Variants in SCRIB observed in about 807,000 individuals in gnomAD.
SCRIB encodes the protein scribble planar cell polarity protein.
A neutral mutation model predicts 170.0 loss-of-function variants in SCRIB; 72 were observed. That is an observed-to-expected ratio of 0.42 (90% CI 0.35 to 0.52). The LOEUF (loss-of-function observed/expected upper bound fraction) is 0.52, where lower values mean the gene tolerates loss of function less well. Among genes scored for constraint, SCRIB ranks in the 20% least tolerant of loss-of-function variants. The pLI is 0.02. For synonymous variants in SCRIB, 1,298 were observed against 1,044.3 expected (o/e 1.24, Z -4.68); for missense variants, 2,475 against 2,338.5 (o/e 1.06, Z -1.20).
In SCRIB at chr8:143,815,322, C is replaced by T. The variant is rs764195066; in HGVS notation, c.51G>A (p.Val17=). The change falls in exon 1 of 37, where the codon GTG becomes GTA. Residue 17 remains valine (V), a synonymous_variant. Coordinates refer to ENST00000356994, the MANE Select transcript of SCRIB (RefSeq NM_182706.5). ...LWRCNRHVES[V]DKRHCSLQAV... is the part of the protein sequence containing the mutation. ...CCTGCAGCGAACAGTGCCGCTTGTC[C>T]ACCGACTCCACGTGCCGGTTGCAGC... 8 of 1,573,950 alleles carry T rather than the reference C, an allele frequency of 5.1e-6. No individual in the cohort carries two copies. The highest frequency in any genetic ancestry group is 6.0e-6 in the Non-Finnish European group (7 of 1,162,274).
chr8:143,797,642 A>C (rs1224002553), intron 24 of SCRIB, among the ~76,000 whole-genome samples: 6 of 152,234 alleles, frequency 3.9e-5, no homozygotes, highest in Non-Finnish European at 8.8e-5. Flanking sequence ...TGGTAGCTCC[A>C]TGATAATCCC....
chr8:143,792,748 C>T lies in SCRIB; in HGVS notation c.4137G>A (p.Leu1379=). ...TCTTCCGCAGGTCGTCAGCACCCAC[C>T]AGGGACACGCGCTTAGGGGGGCCCT... ...QAEGPPKRVS[L]VGADDLRKMQ... is the part of the protein sequence containing the mutation. Residue 1379 remains leucine, a synonymous_variant, in exon 30 of 37, where the codon CTG becomes CTA. Coordinates refer to ENST00000356994, the MANE Select transcript of SCRIB (RefSeq NM_182706.5). 6.3e-7 allele frequency: 1 copy of T among 1,592,318 alleles called. No homozygotes were observed. Among genetic ancestry groups the T allele is most frequent in the Non-Finnish European group, 8.5e-7 (1 of 1,173,252 alleles).
In SCRIB at chr8:143,815,481, G is replaced by T. The variant is rs1450833257; in HGVS notation, c.-109C>A. 1 of 1,016,356 alleles carries T rather than the reference G, an allele frequency of 9.8e-7. No individual in the cohort carries two copies. Among genetic ancestry groups the T allele is most frequent in the Admixed American group, 5.9e-5 (1 of 17,024 alleles). The allele number at this position is 1,016,356 out of a possible 1,614,324, so 63.0% of individuals were successfully genotyped here. A position where few individuals can be genotyped will look rare whatever the true frequency, so the allele number is the denominator to read the frequency against. On this transcript the variant is annotated 5_prime_UTR_variant, in exon 1 of 37. Coordinates refer to ENST00000356994, the MANE Select transcript of SCRIB (RefSeq NM_182706.5). ...GCGCATGGGGAGGGGGCGCAGGCAGGGGGCGGGCCGCCCGAGACTGGACGG... is the reference window on the plus strand; with the variant it reads ...GCGCATGGGGAGGGGGCGCAGGCAGTGGGCGGGCCGCCCGAGACTGGACGG...
chr8:143,793,417 A>C, intron 28 of SCRIB: 1 of 203,376 alleles, frequency 4.9e-6, no homozygotes, highest in Non-Finnish European at 1.0e-5. Flanking sequence ...GGGGGTAGAG[A>C]GGGGGGTGGG....
At chr8:143,797,150 G>A (rs1814978996) in intron 24 of SCRIB, among the ~76,000 whole-genome samples, 1 of 152,178 alleles carries the variant, frequency 6.6e-6, no homozygotes, top group South Asian at 2.1e-4. Flanking sequence ...GGAGGCAGAA[G>A]GTGAGGGGCT....
Position 143,792,111 on chromosome 8 carries a change from C to T in SCRIB, c.4537G>A (p.Ala1513Thr). The T allele has an allele frequency of 1.3e-6, 2 of 1,580,938 alleles. No homozygotes were observed. Among genetic ancestry groups the T allele is most frequent in the East Asian group, 2.2e-5 (1 of 44,636 alleles). ...AARMKSLEQDALRAQMVLSRS... is the reference protein window; with the variant it reads ...AARMKSLEQDTLRAQMVLSRS... ...CTGAGGACCATCTGTGCTCGGAGAG[C>T]GTCCTGTTCCAATGACTTCATCCTG... The change falls in exon 33 of 37, where the codon GCT (alanine) becomes ACT (threonine). Residue 1513 changes from alanine to threonine, a missense_variant. Physicochemically the swap from Ala to Thr is moderately conservative, Grantham distance 58. Coordinates refer to ENST00000356994, the MANE Select transcript of SCRIB (RefSeq NM_182706.5).
chr8:143,812,932 G>A lies in SCRIB; in HGVS notation c.672C>T (p.Cys224=), dbSNP rs1815812180. ...CCAGCCGGTTTTCCGACACGTCCAG[G>A]CACACCAGGCGCCGCAGGTTCCCGA... ...PELGNLRRLV[C]LDVSENRLEE... Residue 224 remains cysteine (C), a synonymous_variant, in exon 8 of 37, where the codon TGC becomes TGT. Coordinates refer to ENST00000356994, the MANE Select transcript of SCRIB (RefSeq NM_182706.5). The A allele has an allele frequency of 1.2e-6, 2 of 1,612,652 alleles. No homozygotes were observed. Among genetic ancestry groups the A allele is most frequent in the Admixed American group, 3.3e-5 (2 of 59,980 alleles).
At chr8:143,808,088 C>T (rs1422465579) in intron 15 of SCRIB, among the ~76,000 whole-genome samples, 1 of 152,186 alleles carries the variant, frequency 6.6e-6, no homozygotes, top group Admixed American at 6.5e-5. Context: ...ATCAGGGCCT[C>T]GGGCCTGCAG....
chr8:143,791,435 C>T lies in SCRIB; in HGVS notation c.4776G>A (p.Pro1592=), dbSNP rs561238876. Residue 1592 remains proline, a synonymous_variant, in exon 36 of 37, where the codon CCG becomes CCA. Transcript: ENST00000356994. ...GGGACCTCAACTCCTCAGCAAAGTC[C>T]GGTGACTGTGATGGGGAGAGTGTTG... The part of the protein sequence containing the change: ...SSRPVYDIQS[P]DFAEELRSLE... 16 of 1,610,836 alleles carry T rather than the reference C, an allele frequency of 9.9e-6. No individual in the cohort carries two copies. The highest frequency in any genetic ancestry group is 2.7e-5 in the African/African-American group (2 of 74,990).
chr8:143,794,534 C>T (rs948043205), intron 27 of SCRIB, among the ~76,000 whole-genome samples: 1 of 152,144 alleles, frequency 6.6e-6, no homozygotes, highest in African/African-American at 2.4e-5. Flanking sequence ...AGGAGCCACC[C>T]CTCGGCACTC....
At chr8:143,803,108 G>A (rs1288070213) in intron 24 of SCRIB, among the ~76,000 whole-genome samples, 6 of 152,164 alleles carry the variant, frequency 3.9e-5, no homozygotes, top group African/African-American at 1.4e-4. Context: ...CACGTAGTGC[G>A]TCCCAAACAC....
intron 26 of SCRIB, 72 bp downstream of exon 26, chr8:143,795,204 AC>A: frequency 6.3e-7 from 1 of 1,596,604 alleles, no homozygotes; most frequent in South Asian, 1.1e-5. Flanking sequence ...GGGGGTTACT[AC>A]CCAGCACCCC....
rs567346901 is a variant in SCRIB, at chr8:143,802,627, G to A, written c.3603+756C>T. Among the ~76,000 whole-genome samples, 8 of 152,380 alleles carry A rather than the reference G, an allele frequency of 5.3e-5. No individual in the cohort carries two copies. In the South Asian group the frequency reaches 1.7e-3, roughly 32 times the overall value. On this transcript the variant is annotated intron_variant, in intron 24 of 36. Transcript: ENST00000356994. ...GGCCACTCCAGTGGGAAGCCAGCCT[G>A]CACACCCTGGCGCCAGTGAAGAACC... is the stretch of plus-strand genomic sequence containing the variant.
At position 143,811,285 on chromosome 8, in the gene SCRIB, G is replaced by A. The variant is rs757973584; in HGVS notation, c.967C>T (p.His323Tyr). The A allele has an allele frequency of 6.2e-7, 1 of 1,612,722 alleles. No homozygotes were observed. The highest frequency in any genetic ancestry group is 2.2e-5 in the East Asian group (1 of 44,868). The change falls in exon 10 of 37, where the codon CAC (histidine) becomes TAC (tyrosine). Residue 323 changes from histidine to tyrosine, a missense_variant. This residue lies in a region of SCRIB where 487 missense variants were observed against 558.1 expected (regional missense o/e 0.87). Coordinates refer to ENST00000356994, the MANE Select transcript of SCRIB (RefSeq NM_182706.5). ...ATCTCGGGCGGCAGCGCCTCGAGGT[G>A]GTTCCGGTCCACGTTGAGGTTGGTC... The part of the protein sequence containing the change: ...KLTNLNVDRN[H>Y]LEALPPEIGG...
intron 15 of SCRIB, 88 bp downstream of exon 15, chr8:143,808,521 C>T (rs1490034942): frequency 2.1e-6 from 3 of 1,446,376 alleles, no homozygotes; most frequent in Non-Finnish European, 2.7e-6. Context: ...GCCAGTGGGT[C>T]AGGCCTCGGC....
In SCRIB at chr8:143,811,165, G is replaced by A. The variant is rs1409220063; in HGVS notation, c.1087C>T (p.Leu363=). Residue 363 remains leucine (L), a synonymous_variant, in exon 10 of 37, where the codon CTG becomes TTG. Transcript: ENST00000356994. The part of the protein sequence containing the change: ...ELAHTTELHV[L]DVAGNRLQSL... ...ACTCACCGGTTCCCCGCCACGTCCA[G>A]CACGTGCAGCTCTGTCGTGTGGGCC... 1.2e-6 allele frequency: 2 copies of A among 1,608,560 alleles called. No homozygotes were observed. The highest frequency in any genetic ancestry group is 2.7e-5 in the African/African-American group (2 of 74,848).
intron 6 of SCRIB, 50 bp downstream of exon 6, chr8:143,813,261 T>C: frequency 6.2e-7 from 1 of 1,610,282 alleles, no homozygotes; most frequent in South Asian, 1.1e-5. Context: ...TCTTTGCCCT[T>C]GCTTCCGTGG....
In SCRIB at chr8:143,815,382, GGGCGGCGCGGGCTCC is replaced by G. The variant is rs1489592521; in HGVS notation, c.-25_-11del. On this transcript the variant is annotated 5_prime_UTR_variant, in exon 1 of 37. Coordinates refer to ENST00000356994, the MANE Select transcript of SCRIB (RefSeq NM_182706.5). Reference sequence around the variant, plus strand: ...GGATGCACTTGAGCATGGTGCGGGTGGGCGGCGCGGGCTCCGGCGGCGGCGCTCGGCGGGCTCGGG... The same window carrying G: ...GGATGCACTTGAGCATGGTGCGGGTGGGCGGCGGCGCTCGGCGGGCTCGGG... The G allele has an allele frequency of 2.6e-5, 34 of 1,331,408 alleles. No individual in the cohort carries two copies. The highest frequency in any genetic ancestry group is 3.2e-5 in the Non-Finnish European group (33 of 1,033,160). 82.5% of individuals were successfully genotyped at this position (1,331,408 alleles called of 1,614,324 possible).
At position 143,810,495 on chromosome 8, in the gene SCRIB, G is replaced by A. The variant is rs749092277; in HGVS notation, c.1514C>T (p.Pro505Leu). 1 of 1,609,988 alleles carries A rather than the reference G, an allele frequency of 6.2e-7. No individual in the cohort carries two copies. The highest frequency in any genetic ancestry group is 8.5e-7 in the Non-Finnish European group (1 of 1,179,876). ...CATGCCCACCTCCTCTGCAGGCAAG[G>A]GCGACCCAGAGTCTGGCTGGCAAGG... Reference protein sequence around the residue: ...ACPCQPDSGSPLPAEEEKRLS... With the variant: ...ACPCQPDSGSLLPAEEEKRLS... Residue 505 changes from proline to leucine, a missense_variant, in exon 13 of 37, where the codon CCC becomes CTC. Coordinates refer to ENST00000356994, the MANE Select transcript of SCRIB (RefSeq NM_182706.5).
Sources: gnomAD v4.1 joint callset for allele counts (sites outside exome capture counted in the v4.1 genomes callset) on GRCh38, gnomAD v4.1.1 for gene constraint, gnomAD v4.1.1 regional missense constraint, MANE v1.5 for transcripts, NCBI Gene and HGNC (gene_info 2026-07-23, HGNC 2026-07-21) for gene names.